Variants in MID1 observed in about 807,000 individuals in gnomAD.
MID1 encodes E3 ubiquitin-protein ligase Midline-1.
Under a neutral mutation model 40.4 loss-of-function variants are expected in MID1, and 7 were observed. The ratio of observed to expected loss-of-function variants is 0.17; its 90% CI spans 0.10 to 0.33. The LOEUF (loss-of-function observed/expected upper bound fraction) is 0.33, where lower values mean the gene tolerates loss of function less well. Ranked by LOEUF, MID1 falls within the 10% of genes least tolerant of loss-of-function variation. The pLI, the probability that MID1 is intolerant of heterozygous loss-of-function variation, is 1.00. For synonymous variants in MID1, 229 were observed against 221.2 expected (o/e 1.04, Z -0.31); for missense variants, 367 against 558.5 (o/e 0.66, Z 3.46).
At chrX:10,732,502 G>A (rs1207873981) in intron 1 of MID1, among the ~76,000 whole-genome samples, 3 of 111,918 alleles carry the variant, frequency 2.7e-5, no homozygotes, top group Non-Finnish European at 5.6e-5. Flanking sequence ...AATAAATGGA[G>A]GCATATACCA....
intron 1 of MID1, among the ~76,000 whole-genome samples, chrX:10,717,193 A>T (rs1339817039): frequency 9.0e-6 from 1 of 111,583 alleles, no homozygotes; most frequent in African/African-American, 3.3e-5. Context: ...CACACATAAC[A>T]ATATTAACCT....
intron 1 of MID1, among the ~76,000 whole-genome samples, chrX:10,833,205 C>T (rs989268095): frequency 1.8e-5 from 2 of 112,350 alleles, no homozygotes; most frequent in Admixed American, 1.9e-4. Context: ...TTTACTATCA[C>T]TTCCTTGGGG....
At position 10,782,095 on chromosome X, in the gene MID1, G is replaced by A. The variant is rs181721204; in HGVS notation, c.-187+51459C>T. On this transcript the variant is annotated intron_variant, in intron 1 of 10. Transcript: ENST00000380785. ...GGCCTCAGGGATAACAAAAGAATTT[G>A]CATCTGCATCTCAGCGTAAAGTGAT... Among the ~76,000 whole-genome samples the A allele has an allele frequency of 4.5e-5, 5 of 112,298 alleles. No homozygotes were observed. In the East Asian group the frequency reaches 1.4e-3, roughly 31 times the overall value.
intron 1 of MID1, among the ~76,000 whole-genome samples, chrX:10,796,816 C>T (rs957925609): frequency 5.4e-5 from 6 of 111,046 alleles, no homozygotes; most frequent in Admixed American, 1.9e-4. Context: ...AATTTGAACA[C>T]ACTTCTTTTC....
chrX:10,656,844 G>A (rs941621855), intron 1 of MID1, among the ~76,000 whole-genome samples: 1 of 110,756 alleles, frequency 9.0e-6, no homozygotes, highest in Non-Finnish European at 1.9e-5. Context: ...GGCACCCGTG[G>A]AGTCTGTTTA....
intron 1 of MID1, among the ~76,000 whole-genome samples, chrX:10,808,059 T>TTCAC (rs2044060294): frequency 1.8e-5 from 2 of 112,601 alleles, no homozygotes; most frequent in Non-Finnish European, 3.8e-5. Flanking sequence ...TATACACGCA[T>TTCAC]TCACTCCACA....
In MID1 at chrX:10,511,359, A is replaced by G. The variant is rs145294567; in HGVS notation, c.756+11733T>C. 3.6e-5 allele frequency among the ~76,000 whole-genome samples: 4 copies of G among 111,506 alleles called. No individual in the cohort carries two copies. The East Asian group carries it at 1.1e-3, about 31-fold the overall frequency. On this transcript the variant is annotated intron_variant, in intron 3 of 9. Coordinates refer to ENST00000317552, the MANE Select transcript of MID1 (RefSeq NM_000381.4). ...CTATGAACTATTAACATACAAACAAATATTTCAGTCCCAAGTTGTAATATA... is the reference window on the plus strand; with the variant it reads ...CTATGAACTATTAACATACAAACAAGTATTTCAGTCCCAAGTTGTAATATA...
rs897756153 is a variant in MID1, at chrX:10,819,887, G to A, written c.-187+13667C>T. On this transcript the variant is annotated intron_variant, in intron 1 of 10. Coordinates refer to the MID1 transcript ENST00000380785. ...TATAGGACTCAGTACGTATAGGCAT[G>A]TCTCCCCAAGCCTTTCTAATCAGTG... Among the ~76,000 whole-genome samples, 3 of 111,952 alleles carry A rather than the reference G, an allele frequency of 2.7e-5. No individual in the cohort carries two copies. In the Admixed American group the frequency reaches 2.8e-4, roughly 11 times the overall value.
intron 1 of MID1, among the ~76,000 whole-genome samples, chrX:10,670,376 A>G (rs2147591657): frequency 8.9e-6 from 1 of 111,925 alleles, no homozygotes; most frequent in East Asian, 2.8e-4. Flanking sequence ...TAAATAGTCT[A>G]TAATTCCATA....
intron 1 of MID1, among the ~76,000 whole-genome samples, chrX:10,793,124 T>C (rs2043944622): frequency 8.9e-6 from 1 of 112,422 alleles, no homozygotes. Flanking sequence ...CTATTATGTC[T>C]TGAGAGCAAT....
intron 1 of MID1, among the ~76,000 whole-genome samples, chrX:10,793,981 T>G (rs1382824912): frequency 8.9e-6 from 1 of 111,753 alleles, no homozygotes; most frequent in East Asian, 2.8e-4. Context: ...TTTCTCCTTC[T>G]CTTGCTCCCT....
chrX:10,789,302 CTCTTA>C (rs1391898398), intron 1 of MID1, among the ~76,000 whole-genome samples: 2 of 112,465 alleles, frequency 1.8e-5, no homozygotes, highest in Non-Finnish European at 3.8e-5. Flanking sequence ...TGAATAAATG[CTCTTA>C]TCTTATTTTA....
chrX:10,775,491 T>C (rs910720588), intron 1 of MID1, among the ~76,000 whole-genome samples: 2 of 112,243 alleles, frequency 1.8e-5, no homozygotes, highest in Non-Finnish European at 3.8e-5. Flanking sequence ...CATGTATTTT[T>C]ATGTACTGGT....
chrX:10,799,360 T>A (rs2043990078), intron 1 of MID1, among the ~76,000 whole-genome samples: 1 of 112,223 alleles, frequency 8.9e-6, no homozygotes, highest in African/African-American at 3.2e-5. Context: ...GACAAAGTAA[T>A]CAATTACTGT....
At chrX:10,560,710 G>C (rs1465833698) in intron 2 of MID1, among the ~76,000 whole-genome samples, 1 of 110,988 alleles carries the variant, frequency 9.0e-6, no homozygotes, top group Non-Finnish European at 1.9e-5. Flanking sequence ...AACTGCTCAA[G>C]GAAATAAGAG....
intron 7 of MID1, among the ~76,000 whole-genome samples, chrX:10,466,048 C>T (rs141654726): frequency 7.2e-5 from 8 of 111,885 alleles, no homozygotes; most frequent in South Asian, 3.7e-4. Context: ...TTTCTTTTTC[C>T]GGTTAGACTA....
intron 2 of MID1, among the ~76,000 whole-genome samples, chrX:10,531,715 A>AC (rs1323598156): frequency 2.7e-5 from 3 of 112,227 alleles, no homozygotes; most frequent in Non-Finnish European, 5.6e-5. Context: ...TTTTATTTTA[A>AC]TGGAGATAAA....
chrX:10,586,830 G>T (rs1031365885), intron 1 of MID1, among the ~76,000 whole-genome samples: 1 of 112,544 alleles, frequency 8.9e-6, no homozygotes, highest in Non-Finnish European at 1.9e-5. Flanking sequence ...TTACAGTCTG[G>T]GTTAAAACTC....
chrX:10,581,082 C>T (rs1000758943), intron 1 of MID1, among the ~76,000 whole-genome samples: 1 of 110,498 alleles, frequency 9.0e-6, no homozygotes, highest in East Asian at 2.8e-4. Flanking sequence ...AACCTCATCT[C>T]TACTAAAAAT....
Sources: allele counts gnomAD v4.1 joint callset (sites outside exome capture counted in the v4.1 genomes callset), GRCh38; gene constraint gnomAD v4.1.1; transcripts MANE v1.5; gene names NCBI Gene and HGNC (gene_info 2026-07-23, HGNC 2026-07-21).